ARL14EPL: variants seen among roughly 807,000 people sequenced by gnomAD.
ARL14EPL encodes the protein ARL14 effector protein-like.
In ARL14EPL, 17 loss-of-function variants were observed where a neutral mutation model predicts 15.9. The ratio of observed to expected loss-of-function variants is 1.07; its 90% CI spans 0.73 to 1.60. The LOEUF is 1.60. Ranked by LOEUF, ARL14EPL falls within the 40% of genes most tolerant of loss-of-function variation. ARL14EPL has a pLI of 0.00. For missense variants in ARL14EPL, 214 were observed against 185.9 expected (o/e 1.15, Z -0.88); for synonymous variants, 78 against 63.8 (o/e 1.22, Z -1.06).
chr5:116,045,946 G>A (rs549759565), intron 1 of ARL14EPL, among the ~76,000 whole-genome samples: 3 of 152,236 alleles, frequency 2.0e-5, no homozygotes, highest in Non-Finnish European at 4.4e-5. Flanking sequence ...ATTTTTTAGA[G>A]GTTATTGTCT....
rs920884830 is a variant in ARL14EPL, at chr5:116,059,250, T to C, written c.*303T>C. On this transcript the variant is annotated 3_prime_UTR_variant, in exon 4 of 4. Transcript: ENST00000686077. Reference sequence around the variant, plus strand: ...TAAAACTCTCTTCCCTCTTTGCTGATATCTGAGAAAATGTAGCTTTAAGAT... The same window carrying C: ...TAAAACTCTCTTCCCTCTTTGCTGACATCTGAGAAAATGTAGCTTTAAGAT... 11 of 274,878 alleles carry C rather than the reference T, an allele frequency of 4.0e-5. No homozygotes were observed. Among genetic ancestry groups the C allele is most frequent in the Non-Finnish European group, 6.3e-5 (9 of 143,532 alleles). 17.0% of individuals were successfully genotyped at this position (274,878 alleles called of 1,614,324 possible). A position where few individuals can be genotyped will look rare whatever the true frequency, so the allele number is the denominator to read the frequency against.
chr5:116,051,931 T>C (rs1749390510), intron 2 of ARL14EPL: 1 of 1,603,974 alleles, frequency 6.2e-7, no homozygotes, highest in East Asian at 2.2e-5. Context: ...CACCAGCAGC[T>C]GGAGCATCTC....
intron 1 of ARL14EPL, among the ~76,000 whole-genome samples, chr5:116,048,854 G>A (rs527998452): frequency 1.2e-4 from 19 of 152,236 alleles, no homozygotes; most frequent in African/African-American, 4.6e-4. Context: ...TAATAGGAAT[G>A]AGATAAAGAG....
At chr5:116,032,827 C>G (rs544231498) in intron 1 of ARL14EPL, among the ~76,000 whole-genome samples, 81 of 152,116 alleles carry the variant, frequency 5.3e-4, no homozygotes, top group African/African-American at 1.9e-3. Context: ...AACAGGGTGT[C>G]AGTCTGTCAA....
In ARL14EPL at chr5:116,050,955, T is replaced by C. The variant is rs142148602; in HGVS notation, c.-9-502T>C. Among the ~76,000 whole-genome samples the C allele has an allele frequency of 2.6e-3, 397 of 152,322 alleles. 3 individuals are homozygous for C. Among genetic ancestry groups the C allele is most frequent in the African/African-American group, 9.1e-3 (380 of 41,574 alleles). On this transcript the variant is annotated intron_variant, in intron 1 of 3. Transcript: ENST00000686077. ...GTTTTATGAAAACCTGATTACCATT[T>C]AGCACAAGCTGCATTAGAAATTTAT...
intron 1 of ARL14EPL, among the ~76,000 whole-genome samples, chr5:116,038,199 T>C (rs1166218339): frequency 1.3e-5 from 2 of 152,190 alleles, no homozygotes; most frequent in African/African-American, 4.8e-5. Flanking sequence ...TGGGTATGCA[T>C]GAGTACCAAT....
intron 1 of ARL14EPL, among the ~76,000 whole-genome samples, chr5:116,046,788 T>A (rs1169241270): frequency 6.6e-6 from 1 of 152,198 alleles, no homozygotes; most frequent in Non-Finnish European, 1.5e-5. Flanking sequence ...TGTATATGAC[T>A]GCTATTGACT....
rs1345250271 is a variant in ARL14EPL at position 116,058,893 on chromosome 5, C to A, written c.405C>A (p.Ile135=). ...RCNRRWVYDA[I]VTESGEVIST... ...ACCGACGGTGGGTTTACGATGCCAT[C>A]GTCACTGAGTCAGGAGAGGTCATCA... The change falls in exon 4 of 4, where the codon ATC becomes ATA. Residue 135 remains isoleucine (I), a synonymous_variant. Transcript: ENST00000686077. 6.5e-7 allele frequency: 1 copy of A among 1,536,080 alleles called. No individual in the cohort carries two copies. The highest frequency in any genetic ancestry group is 1.4e-5 in the African/African-American group (1 of 73,142).
chr5:116,051,284 G>A (rs1225429245), intron 1 of ARL14EPL, 173 bp from the exon 2 acceptor site: 4 of 530,242 alleles, frequency 7.5e-6, no homozygotes, highest in Non-Finnish European at 1.3e-5. Flanking sequence ...GGTGGTCTGG[G>A]GGAGTCAGAG....
intron 1 of ARL14EPL, among the ~76,000 whole-genome samples, chr5:116,043,750 T>G (rs1035689276): frequency 6.6e-6 from 1 of 152,196 alleles, no homozygotes; most frequent in African/African-American, 2.4e-5. Context: ...AACCTCTCAG[T>G]TGGGACTTTT....
intron 3 of ARL14EPL, among the ~76,000 whole-genome samples, chr5:116,057,887 G>A (rs2662479): frequency 0.68 from 103,199 of 152,074 alleles, 36,187 homozygotes; most frequent in Non-Finnish European, 0.79. Flanking sequence ...TGGTAATAAC[G>A]GCTATCAGTT....
intron 2 of ARL14EPL, among the ~76,000 whole-genome samples, chr5:116,053,671 T>G (rs1749449578): frequency 2.0e-5 from 3 of 152,210 alleles, no homozygotes; most frequent in Non-Finnish European, 4.4e-5. Flanking sequence ...TCCTTCATCC[T>G]TACCCACATC....
At chr5:116,032,875 G>A (rs1038668820) in intron 1 of ARL14EPL, among the ~76,000 whole-genome samples, 7 of 152,084 alleles carry the variant, frequency 4.6e-5, no homozygotes, top group South Asian at 2.1e-4. Context: ...TCCGCTCGCC[G>A]CAGCCTCGAC....
chr5:116,050,254 C>T (rs1749344443), intron 1 of ARL14EPL, among the ~76,000 whole-genome samples: 1 of 152,158 alleles, frequency 6.6e-6, no homozygotes, highest in Non-Finnish European at 1.5e-5. Context: ...ACCCATTTAC[C>T]CTCACCCAGT....
intron 3 of ARL14EPL, among the ~76,000 whole-genome samples, chr5:116,057,768 G>A (rs1749554856): frequency 6.6e-6 from 1 of 152,184 alleles, no homozygotes; most frequent in Admixed American, 6.5e-5. Flanking sequence ...ATATTACTTA[G>A]CGAACAGAAG....
At chr5:116,052,170 C>T in intron 2 of ARL14EPL, 1 of 1,610,388 alleles carries the variant, frequency 6.2e-7, no homozygotes, top group South Asian at 1.1e-5. Flanking sequence ...TTGTCCCGAA[C>T]TTTGCCTTTG....
rs548708614 is a variant in ARL14EPL, at chr5:116,050,459, G to T, written c.-9-998G>T. On this transcript the variant is annotated intron_variant, in intron 1 of 3. Transcript: ENST00000686077. Reference sequence around the variant, plus strand: ...TTATGGCTGCGTGGTATTCCTTGGTGCATACTTACACACTATTGGTGAGAA... The same window carrying T: ...TTATGGCTGCGTGGTATTCCTTGGTTCATACTTACACACTATTGGTGAGAA... Among the ~76,000 whole-genome samples, 4 of 152,318 alleles carry T rather than the reference G, an allele frequency of 2.6e-5. No homozygotes were observed. The South Asian group carries it at 8.3e-4, about 32-fold the overall frequency.
intron 1 of ARL14EPL, among the ~76,000 whole-genome samples, chr5:116,039,196 C>G (rs1167169378): frequency 6.6e-6 from 1 of 152,226 alleles, no homozygotes; most frequent in East Asian, 1.9e-4. Flanking sequence ...GGGAAGGCTC[C>G]CAAGTCAACA....
intron 2 of ARL14EPL, chr5:116,051,838 T>C: frequency 9.6e-7 from 1 of 1,046,678 alleles, no homozygotes; most frequent in Non-Finnish European, 1.4e-6. Flanking sequence ...TATACAAACG[T>C]TTTTATTTTT....
Sources: allele counts gnomAD v4.1 joint callset (sites outside exome capture counted in the v4.1 genomes callset), GRCh38; gene constraint gnomAD v4.1.1; transcripts MANE v1.5; gene names NCBI Gene and HGNC (gene_info 2026-07-23, HGNC 2026-07-21).